TLK1: variants seen among roughly 807,000 people sequenced by gnomAD.
The protein encoded by TLK1 is serine/threonine-protein kinase tousled-like 1.
Under a neutral mutation model 105.3 loss-of-function variants are expected in TLK1, and 24 were observed. The observed-to-expected ratio is 0.23, with a 90% confidence interval of 0.17 to 0.32. TLK1 has a LOEUF of 0.32. Ranked by LOEUF, TLK1 falls within the 10% of genes least tolerant of loss-of-function variation. The pLI, the probability that TLK1 is intolerant of heterozygous loss-of-function variation, is 1.00. For missense variants in TLK1, 558 were observed against 910.5 expected, an observed-to-expected ratio of 0.61 and a Z score of 4.98; for synonymous variants, 321 against 310.4, an observed-to-expected ratio of 1.03 and a Z score of -0.36.
Position 171,050,119 on chromosome 2 carries a change from T to C in TLK1, c.788A>G (p.Tyr263Cys). 6.3e-7 allele frequency: 1 copy of C among 1,599,484 alleles called. No individual in the cohort carries two copies. The highest frequency in any genetic ancestry group is 8.5e-7 in the Non-Finnish European group (1 of 1,170,662). ...TATGCACTTATTTAATCGTTCTTTG[T>C]ATTTTTCAAGTAATTTTTGTTGTTC... ...IDEQQKLLEKYKERLNKCISM... is the reference protein window; with the variant it reads ...IDEQQKLLEKCKERLNKCISM... The change falls in exon 9 of 21, where the codon TAC becomes TGC. Residue 263 changes from tyrosine (Y) to cysteine (C), a missense_variant. By Grantham distance (194) the Tyr-to-Cys change is radical. This residue lies in a region of TLK1 where 196 missense variants were observed against 239.3 expected (regional missense o/e 0.82). Coordinates refer to ENST00000431350, the MANE Select transcript of TLK1 (RefSeq NM_012290.5).
intron 5 of TLK1, among the ~76,000 whole-genome samples, chr2:171,057,472 T>C (rs566049599): frequency 6.6e-6 from 1 of 152,164 alleles, no homozygotes; most frequent in Admixed American, 6.5e-5. Flanking sequence ...ATTAATGATA[T>C]CAGTAAGTGA....
intron 6 of TLK1, 64 bp downstream of exon 6, chr2:171,056,405 TAA>T (rs1398654766): frequency 6.4e-5 from 84 of 1,314,244 alleles, no homozygotes; most frequent in Non-Finnish European, 8.5e-5. Context: ...CAACAAATTA[TAA>T]AACTTATTCA....
chr2:171,006,079 A>AC (rs944976757), intron 18 of TLK1, 68 bp downstream of exon 18: 17 of 1,405,816 alleles, frequency 1.2e-5, no homozygotes, highest in Non-Finnish European at 1.5e-5. Flanking sequence ...AAAAAAAAAA[A>AC]CACTAAATTA....
Position 171,006,889 on chromosome 2 carries a change from T to G in TLK1, c.1509A>C (p.Lys503Asn). Residue 503 changes from lysine to asparagine, a missense_variant and splice_region_variant, in exon 16 of 21, where the codon AAA becomes AAC. Coordinates refer to ENST00000431350, the MANE Select transcript of TLK1 (RefSeq NM_012290.5). ...GTATTCTATACTCTCTGCAGGCATG[T>G]CTATGAGAAGACAGTGTATTAATTC... ...WRDEKKENYH[K>N]HACREYRIHK... 6.2e-7 allele frequency: 1 copy of G among 1,612,136 alleles called. No homozygotes were observed. Among genetic ancestry groups the G allele is most frequent in the Non-Finnish European group, 8.5e-7 (1 of 1,178,852 alleles).
intron 1 of TLK1, among the ~76,000 whole-genome samples, chr2:171,197,080 T>C (rs1693289678): frequency 2.0e-5 from 3 of 152,044 alleles, no homozygotes; most frequent in South Asian, 4.1e-4. Flanking sequence ...AGAAAAAAAA[T>C]ACTCAGTAGC....
chr2:171,060,967 C>T, intron 4 of TLK1, 114 bp downstream of exon 4: 8 of 1,048,426 alleles, frequency 7.6e-6, no homozygotes, highest in Non-Finnish European at 1.1e-5. Context: ...CCTGTGCACA[C>T]ACCAAAATTT....
rs538684958 is a variant in TLK1 at position 171,111,577 on chromosome 2, C to T, written c.258+6162G>A. On this transcript the variant is annotated intron_variant, in intron 2 of 20. Coordinates refer to ENST00000431350, the MANE Select transcript of TLK1 (RefSeq NM_012290.5). Reference sequence around the variant, plus strand: ...TCCAGCCTGGGCGACAAAGTGAGATCCTGTATTCAAAAAAAAAAAAAAAAG... The same window carrying T: ...TCCAGCCTGGGCGACAAAGTGAGATTCTGTATTCAAAAAAAAAAAAAAAAG... Among the ~76,000 whole-genome samples the T allele has an allele frequency of 4.2e-5, 6 of 143,092 alleles. No individual in the cohort carries two copies. The Admixed American group carries it at 4.2e-4, about 10-fold the overall frequency. The allele number at this position is 143,092 out of a possible 152,430, so 93.9% of individuals were successfully genotyped here. A position where few individuals can be genotyped will look rare whatever the true frequency, so the allele number is the denominator to read the frequency against.
intron 12 of TLK1, among the ~76,000 whole-genome samples, chr2:171,025,049 T>C (rs1285549167): frequency 6.6e-6 from 1 of 152,180 alleles, no homozygotes; most frequent in Non-Finnish European, 1.5e-5. Flanking sequence ...TACTTTTTGG[T>C]AGTAACTAGA....
intron 1 of TLK1, among the ~76,000 whole-genome samples, chr2:171,177,942 C>T (rs1692862455): frequency 6.6e-6 from 1 of 152,008 alleles, no homozygotes; most frequent in Non-Finnish European, 1.5e-5. Context: ...TACAGGCATG[C>T]ACCACCACAC....
intron 1 of TLK1, among the ~76,000 whole-genome samples, chr2:171,149,099 C>CTTTTTTTTTTTTTTT (rs11335300): frequency 8.6e-5 from 5 of 57,878 alleles, no homozygotes; most frequent in Non-Finnish European, 1.5e-4. Flanking sequence ...AATTACTTTT[C>CTTTTTTTTTTTTTTT]TTTTTTTTTT....
chr2:171,018,352 T>C (rs1289073362), intron 12 of TLK1, among the ~76,000 whole-genome samples: 2 of 152,272 alleles, frequency 1.3e-5, no homozygotes, highest in African/African-American at 2.4e-5. Flanking sequence ...TATTTTGTTA[T>C]GGCCAACACA....
At chr2:171,053,942 T>A in intron 7 of TLK1, 89 bp from the exon 8 acceptor site, 1 of 964,120 alleles carries the variant, frequency 1.0e-6, no homozygotes, top group Non-Finnish European at 1.5e-6. Context: ...ATTCAAAAGG[T>A]AAAGAAAAAT....
chr2:171,062,649 G>A (rs1687810439), intron 3 of TLK1, among the ~76,000 whole-genome samples: 1 of 152,126 alleles, frequency 6.6e-6, no homozygotes, highest in African/African-American at 2.4e-5. Flanking sequence ...CCTACTCAAG[G>A]TAACACTACC....
intron 18 of TLK1, among the ~76,000 whole-genome samples, chr2:171,005,677 GA>G (rs1205340451): frequency 6.6e-6 from 1 of 152,136 alleles, no homozygotes; most frequent in Non-Finnish European, 1.5e-5. Context: ...AGGCTGCAAT[GA>G]ACTAAGATTA....
At chr2:171,066,794 T>C (rs376533627) in intron 3 of TLK1, 34 of 1,538,668 alleles carry the variant, frequency 2.2e-5, no homozygotes, top group East Asian at 9.8e-5. Context: ...AAACAGTATA[T>C]ACTATAAAAT....
intron 1 of TLK1, among the ~76,000 whole-genome samples, chr2:171,158,232 T>A (rs973557605): frequency 2.6e-5 from 4 of 152,176 alleles, no homozygotes; most frequent in Admixed American, 2.0e-4. Flanking sequence ...TATCCCCCTG[T>A]AGCTATACAG....
chr2:171,218,684 G>A (rs1440876064), intron 1 of TLK1, among the ~76,000 whole-genome samples: 5 of 152,082 alleles, frequency 3.3e-5, no homozygotes, highest in Non-Finnish European at 5.9e-5. Flanking sequence ...TCCTCTGGGG[G>A]GACTAACCCT....
At chr2:171,055,203 C>CAAAAAAAAA (rs71399594) in intron 6 of TLK1, 31 bp from the exon 7 acceptor site, 12 of 518,320 alleles carry the variant, frequency 2.3e-5, no homozygotes, top group South Asian at 1.0e-4. Flanking sequence ...TTTATATTAG[C>CAAAAAAAAA]AAAAAAAAAA....
At chr2:170,998,147 T>A (rs1684172251) in intron 18 of TLK1, among the ~76,000 whole-genome samples, 1 of 152,060 alleles carries the variant, frequency 6.6e-6, no homozygotes, top group Non-Finnish European at 1.5e-5. Flanking sequence ...TTAAAGAGAT[T>A]ACAATGGTCT....
Sources: gnomAD v4.1 joint callset for allele counts (sites outside exome capture counted in the v4.1 genomes callset) on GRCh38, gnomAD v4.1.1 for gene constraint, gnomAD v4.1.1 regional missense constraint, MANE v1.5 for transcripts, NCBI Gene and HGNC (gene_info 2026-07-23, HGNC 2026-07-21) for gene names.